Variants in ABCA7 observed in about 807,000 individuals in gnomAD.
The protein encoded by ABCA7 is phospholipid-transporting ATPase ABCA7.
A neutral mutation model predicts 227.6 loss-of-function variants in ABCA7; 261 were observed. The observed-to-expected ratio is 1.15, with a 90% CI of 1.04 to 1.27. The LOEUF (loss-of-function observed/expected upper bound fraction) is 1.27. Among genes scored for constraint, ABCA7 ranks in the 50% most tolerant of loss-of-function variants. The pLI is 0.00. For missense variants in ABCA7, 3,331 were observed against 2,924.5 expected, an observed-to-expected ratio of 1.14 and a Z score of -3.21; for synonymous variants, 1,488 against 1,279.7, an observed-to-expected ratio of 1.16 and a Z score of -3.47.
rs769061456 is a variant in ABCA7 at position 1,049,273 on chromosome 19, A to G, written c.2388A>G (p.Val796=). 4.3e-5 allele frequency: 69 copies of G among 1,604,346 alleles called. 1 individual carries two copies. The highest frequency in any genetic ancestry group is 3.8e-5 in the Non-Finnish European group (45 of 1,174,436). ...TCCACCCCATCTCTGCAGTGCTGGT[A>G]GAAGAGGCACCGCCCGGCCTGAGTC... ...CPTPLDPKVL[V]EEAPPGLSPG... is the part of the protein sequence containing the mutation. Residue 796 remains valine, a synonymous_variant, in exon 18 of 47, where the codon GTA becomes GTG. Coordinates refer to ENST00000263094, the MANE Select transcript of ABCA7 (RefSeq NM_019112.4).
Position 1,042,133 on chromosome 19 carries a change from C to T in ABCA7, c.372C>T (p.Gly124=). ...GGASAHRTLA[G]LGKLIATLRA... is the part of the protein sequence containing the mutation. Reference sequence around the variant, plus strand: ...CCAGTGCCCACAGGACGCTGGCTGGCCTAGGGAAGCTGATCGCCACGCTGA... The same window carrying T: ...CCAGTGCCCACAGGACGCTGGCTGGTCTAGGGAAGCTGATCGCCACGCTGA... The change falls in exon 5 of 47, where the codon GGC becomes GGT. Residue 124 remains glycine, a synonymous_variant. Coordinates refer to ENST00000263094, the MANE Select transcript of ABCA7 (RefSeq NM_019112.4). 6.3e-7 allele frequency: 1 copy of T among 1,599,472 alleles called. No homozygotes were observed. Among genetic ancestry groups the T allele is most frequent in the Non-Finnish European group, 8.5e-7 (1 of 1,179,200 alleles).
chr19:1,044,202 A>G (rs962026350), intron 10 of ABCA7, among the ~76,000 whole-genome samples: 1 of 143,322 alleles, frequency 7.0e-6, no homozygotes, highest in Admixed American at 7.0e-5. Flanking sequence ...GGCCTCCCAA[A>G]GTGCTGGGAT....
Position 1,051,267 on chromosome 19 carries a change from C to A in ABCA7, c.2797C>A (p.Gln933Lys). The A allele has an allele frequency of 6.2e-7, 1 of 1,605,516 alleles. No individual in the cohort carries two copies. The highest frequency in any genetic ancestry group is 1.1e-5 in the South Asian group (1 of 89,976). The change falls in exon 20 of 47, where the codon CAG (glutamine) becomes AAG (lysine). Residue 933 changes from glutamine to lysine, a missense_variant. Physicochemically the swap from Gln to Lys is moderately conservative, Grantham distance 53 (BLOSUM62 1). Transcript: ENST00000263094. ...GCAGGATGTGGGGCTGGTCTCCAAG[C>A]AGAGTGTGCAGACTCGCCACCTCTC... The part of the protein sequence containing the change: ...LLQDVGLVSK[Q>K]SVQTRHLSGG...
chr19:1,059,125 T>G, intron 40 of ABCA7, 40 bp downstream of exon 40: 4 of 1,597,606 alleles, frequency 2.5e-6, no homozygotes, highest in Non-Finnish European at 3.4e-6. Flanking sequence ...GGACAGTGAG[T>G]GGCTGCCCTA....
At chr19:1,042,483 C>T (rs1026369358) in intron 6 of ABCA7, 86 bp downstream of exon 6, 1 of 1,523,476 alleles carries the variant, frequency 6.6e-7, no homozygotes, top group Admixed American at 1.7e-5. Flanking sequence ...GGCCAAGGAC[C>T]TCCCGTTCCA....
rs780542340 is a variant in ABCA7, at chr19:1,043,335, C to G, written c.792C>G (p.Ser264Arg). Residue 264 changes from serine (S) to arginine (R), a missense_variant and splice_region_variant, in exon 9 of 47, where the codon AGC becomes AGG. Coordinates refer to ENST00000263094, the MANE Select transcript of ABCA7 (RefSeq NM_019112.4). ...GGCCTCATGGCACCCCCATCCCAGG[C>G]CCCGCCTGCTCGGAGCTGATTGGAG... The part of the protein sequence containing the change: ...PESALPDSSL[S>R]PACSELIGAL... The G allele has an allele frequency of 6.2e-7, 1 of 1,612,992 alleles. No individual in the cohort carries two copies. Among genetic ancestry groups the G allele is most frequent in the South Asian group, 1.1e-5 (1 of 91,084 alleles).
At position 1,055,898 on chromosome 19, in the gene ABCA7, C is replaced by G; in HGVS notation, c.4206-9C>G. 6.3e-7 allele frequency: 1 copy of G among 1,587,776 alleles called. No homozygotes were observed. The highest frequency in any genetic ancestry group is 8.6e-7 in the Non-Finnish European group (1 of 1,166,344). On this transcript the variant is annotated splice_polypyrimidine_tract_variant and intron_variant, in intron 30 of 46. Coordinates refer to ENST00000263094, the MANE Select transcript of ABCA7 (RefSeq NM_019112.4). ...TGTCTGCCTGTGTCTCTGTCCATCT[C>G]TCCCACAGCCTGAAGACTAAGAAGT...
Position 1,065,188 on chromosome 19 carries a change from G to C in ABCA7, c.6285+17G>C. 6.3e-7 allele frequency: 1 copy of C among 1,595,118 alleles called. No homozygotes were observed. The highest frequency in any genetic ancestry group is 8.6e-7 in the Non-Finnish European group (1 of 1,168,658). ...CTGGAGGAGGTGATCACGGCGCCGGGGTCGGGCTGGGGGAGGCAGGCTGGG... is the reference window on the plus strand; with the variant it reads ...CTGGAGGAGGTGATCACGGCGCCGGCGTCGGGCTGGGGGAGGCAGGCTGGG... On this transcript the variant is annotated intron_variant, in intron 46 of 46. Coordinates refer to ENST00000263094, the MANE Select transcript of ABCA7 (RefSeq NM_019112.4).
rs1211088535 is a variant in ABCA7 at position 1,048,883 on chromosome 19, C to G, written c.2270-12C>G. 1 of 1,560,942 alleles carries G rather than the reference C, an allele frequency of 6.4e-7. No individual in the cohort carries two copies. The highest frequency in any genetic ancestry group is 8.7e-7 in the Non-Finnish European group (1 of 1,143,414). ...GGGTGGGCTAAGCAATAACCCGCGC[C>G]CCTCCCCGCAGGCCAGTACGGGATC... On this transcript the variant is annotated splice_polypyrimidine_tract_variant and intron_variant, in intron 16 of 46. Coordinates refer to ENST00000263094, the MANE Select transcript of ABCA7 (RefSeq NM_019112.4).
intron 1 of ABCA7, 53 bp from the exon 2 acceptor site, chr19:1,041,172 G>A: frequency 1.5e-6 from 1 of 645,744 alleles, no homozygotes; most frequent in East Asian, 2.7e-5. Flanking sequence ...CTCCACCCCT[G>A]GGGTAGCGGA....
intron 10 of ABCA7, among the ~76,000 whole-genome samples, chr19:1,044,142 A>G: frequency 6.8e-6 from 1 of 147,574 alleles, no homozygotes; most frequent in East Asian, 2.0e-4. Flanking sequence ...GGGTTTAACC[A>G]TGTTAGCCAG....
rs1363437248 is a variant in ABCA7 at position 1,058,204 on chromosome 19, G to T, written c.5084G>T (p.Cys1695Phe). Residue 1695 changes from cysteine to phenylalanine, a missense_variant, in exon 37 of 47, where the codon TGC becomes TTC. Transcript: ENST00000263094. ...GTCTTCCTTATCTTCCCCCACTTCT[G>T]CTTGGGCCGGGGGCTCATTGACATG... ...KQVFLIFPHF[C>F]LGRGLIDMVR... 1.3e-5 allele frequency: 21 copies of T among 1,613,472 alleles called. No homozygotes were observed. Among genetic ancestry groups the T allele is most frequent in the Non-Finnish European group, 1.8e-5 (21 of 1,179,926 alleles).
In ABCA7 at chr19:1,041,368, T is replaced by G; in HGVS notation, c.7T>G (p.Phe3Val). 1 of 1,614,018 alleles carries G rather than the reference T, an allele frequency of 6.2e-7. No homozygotes were observed. MA[F>V]WTQLMLLLWK... Reference sequence around the variant, plus strand: ...TCCCCTGCCCAGTCTCACCATGGCCTTCTGGACACAGCTGATGCTGCTGCT... The same window carrying G: ...TCCCCTGCCCAGTCTCACCATGGCCGTCTGGACACAGCTGATGCTGCTGCT... The change falls in exon 2 of 47, where the codon TTC becomes GTC. Residue 3 changes from phenylalanine to valine, a missense_variant. Physicochemically the swap from Phe to Val is conservative, Grantham distance 50. Transcript: ENST00000263094.
rs376063282 is a variant in ABCA7 at position 1,058,690 on chromosome 19, G to T, written c.5222G>T (p.Gly1741Val). The change falls in exon 38 of 47, where the codon GGG becomes GTG. Residue 1741 changes from glycine (G) to valine (V), a missense_variant. Gly to Val is a moderately radical substitution (Grantham distance 109). Transcript: ENST00000263094. ...GKNLLAMVIQGPLFLLFTLLL... is the reference protein window; with the variant it reads ...GKNLLAMVIQVPLFLLFTLLL... ...AACCTCTTGGCCATGGTGATACAGGGGCCCCTCTTCCTTCTCTTCACACTA... is the reference window on the plus strand; with the variant it reads ...AACCTCTTGGCCATGGTGATACAGGTGCCCCTCTTCCTTCTCTTCACACTA... 66 of 1,613,842 alleles carry T rather than the reference G, an allele frequency of 4.1e-5. 3 individuals are homozygous for T. The highest frequency in any genetic ancestry group is 3.8e-4 in the East Asian group (17 of 44,888).
intron 44 of ABCA7, 95 bp from the exon 45 acceptor site, chr19:1,064,066 C>G: frequency 7.1e-7 from 1 of 1,401,102 alleles, no homozygotes; most frequent in Non-Finnish European, 9.6e-7. Context: ...GATGTCCACA[C>G]CAGAAGGGTG....
At chr19:1,059,139 C>T (rs2042483467) in intron 40 of ABCA7, 54 bp downstream of exon 40, 8 of 1,575,968 alleles carry the variant, frequency 5.1e-6, no homozygotes, top group Admixed American at 1.8e-5. Context: ...TGCCCTACTG[C>T]ATGCCCTGCC....
Position 1,058,713 on chromosome 19 carries a change from C to T in ABCA7, c.5245C>T (p.Leu1749=), listed in dbSNP as rs1400641384. 7 of 1,614,054 alleles carry T rather than the reference C, an allele frequency of 4.3e-6. No homozygotes were observed. The highest frequency in any genetic ancestry group is 5.9e-6 in the Non-Finnish European group (7 of 1,180,016). Residue 1749 remains leucine, a synonymous_variant, in exon 38 of 47, where the codon CTA becomes TTA. Coordinates refer to ENST00000263094, the MANE Select transcript of ABCA7 (RefSeq NM_019112.4). Reference sequence around the variant, plus strand: ...GGGGCCCCTCTTCCTTCTCTTCACACTACTGCTGCAGCACCGAAGCCAACT... The same window carrying T: ...GGGGCCCCTCTTCCTTCTCTTCACATTACTGCTGCAGCACCGAAGCCAACT... ...IQGPLFLLFT[L]LLQHRSQLLP...
chr19:1,043,552 C>G, intron 9 of ABCA7, 79 bp downstream of exon 9: 1 of 1,605,160 alleles, frequency 6.2e-7, no homozygotes, highest in Admixed American at 1.7e-5. Flanking sequence ...TGGGCCAGGG[C>G]CAGGCCGGAG....
intron 44 of ABCA7, 119 bp from the exon 45 acceptor site, chr19:1,064,042 G>A: frequency 1.5e-6 from 2 of 1,338,384 alleles, no homozygotes; most frequent in Non-Finnish European, 2.0e-6. Flanking sequence ...GAACGGTCTG[G>A]GGAAGAGTGG....
Sources: allele counts gnomAD v4.1 joint callset (sites outside exome capture counted in the v4.1 genomes callset), GRCh38; gene constraint gnomAD v4.1.1; transcripts MANE v1.5; gene names NCBI Gene and HGNC (gene_info 2026-07-23, HGNC 2026-07-21).